DPP10: variants seen among roughly 807,000 people sequenced by gnomAD.
DPP10 encodes dipeptidyl peptidase like 10.
A neutral mutation model predicts 120.9 loss-of-function variants in DPP10; 33 were observed. The ratio of observed to expected loss-of-function variants is 0.27; its 90% CI spans 0.21 to 0.37. The LOEUF (loss-of-function observed/expected upper bound fraction) is 0.37, where lower values mean the gene tolerates loss of function less well. DPP10 is among the 10% of genes least tolerant of loss of function. The pLI is 1.00. For missense variants in DPP10, 816 were observed against 942.8 expected, an observed-to-expected ratio of 0.87 and a Z score of 1.76; for synonymous variants, 337 against 326.1, an observed-to-expected ratio of 1.03 and a Z score of -0.36.
Position 115,650,025 on chromosome 2 carries a change from AAG to A in DPP10, c.442-39654_442-39653del, listed in dbSNP as rs367708507. 3.5e-3 allele frequency among the ~76,000 whole-genome samples: 537 copies of A among 152,182 alleles called. 4 individuals are homozygous for A. The highest frequency in any genetic ancestry group is 0.013 in the African/African-American group (524 of 41,518). Reference sequence around the variant, plus strand: ...GTTTTTGGATTTGTTGGCAAAAAAAAAGAGAGAGACTGAAAAATAGGGAACAG... The same window carrying A: ...GTTTTTGGATTTGTTGGCAAAAAAAAAGAGAGACTGAAAAATAGGGAACAG... On this transcript the variant is annotated intron_variant, in intron 5 of 25. Coordinates refer to ENST00000410059, the MANE Select transcript of DPP10 (RefSeq NM_020868.6).
chr2:114,915,848 AGAAGAAAGTTTATAG>A, intron 1 of DPP10, among the ~76,000 whole-genome samples: 1 of 152,344 alleles, frequency 6.6e-6, no homozygotes, highest in Middle Eastern at 3.4e-3. Context: ...AGCAGTGTTA[AGAAGAAAGTTTATAG>A]CATTAAATGC....
chr2:114,953,236 G>T (rs780952725), intron 1 of DPP10, among the ~76,000 whole-genome samples: 2 of 152,066 alleles, frequency 1.3e-5, no homozygotes, highest in South Asian at 2.1e-4. Flanking sequence ...CAAATTCTGC[G>T]CTATAGAACC....
intron 1 of DPP10, among the ~76,000 whole-genome samples, chr2:114,943,595 G>A (rs567962163): frequency 1.3e-5 from 2 of 152,018 alleles, no homozygotes; most frequent in Non-Finnish European, 2.9e-5. Flanking sequence ...TCTTTATCCA[G>A]TCTATCATTG....
intron 1 of DPP10, among the ~76,000 whole-genome samples, chr2:115,281,567 T>C (rs1160785564): frequency 6.6e-6 from 1 of 152,120 alleles, no homozygotes; most frequent in African/African-American, 2.4e-5. Context: ...CCCGTAGGAG[T>C]AAACATAACT....
At chr2:115,496,310 A>G (rs1285565639) in intron 3 of DPP10, among the ~76,000 whole-genome samples, 23 of 152,158 alleles carry the variant, frequency 1.5e-4, no homozygotes, top group Non-Finnish European at 4.4e-5. Context: ...TATCCTATTA[A>G]TGCAACATTG....
At chr2:115,320,637 C>T (rs2062013561) in intron 2 of DPP10, among the ~76,000 whole-genome samples, 1 of 151,864 alleles carries the variant, frequency 6.6e-6, no homozygotes, top group South Asian at 2.1e-4. Context: ...TTGTTTTTGT[C>T]ACAAATTACA....
intron 1 of DPP10, among the ~76,000 whole-genome samples, chr2:114,900,586 C>T (rs1693476955): frequency 6.6e-6 from 1 of 152,150 alleles, no homozygotes; most frequent in African/African-American, 2.4e-5. Context: ...GTACATTCTG[C>T]ATATAGTGTT....
intron 5 of DPP10, among the ~76,000 whole-genome samples, chr2:115,563,128 G>A (rs966636209): frequency 1.3e-5 from 2 of 152,138 alleles, no homozygotes; most frequent in East Asian, 3.9e-4. Flanking sequence ...CCTCTTAAAC[G>A]TGTCAATCAG....
chr2:114,832,308 T>C (rs2176736), intron 1 of DPP10, among the ~76,000 whole-genome samples: 146,675 of 152,298 alleles, frequency 0.96, 70,871 homozygotes, highest in East Asian at 1. Flanking sequence ...CCGAGGCAGG[T>C]GGATCAGGAG....
At position 115,297,652 on chromosome 2, in the gene DPP10, A is replaced by G. The variant is rs566296978; in HGVS notation, c.61-11587A>G. On this transcript the variant is annotated intron_variant, in intron 1 of 25. Coordinates refer to ENST00000410059, the MANE Select transcript of DPP10 (RefSeq NM_020868.6). ...ACTATGTTCTCTACTCTCCTTGTGG[A>G]CAAGAGTCTAGTCTGTTAACTAGAA... Among the ~76,000 whole-genome samples the G allele has an allele frequency of 3.5e-4, 54 of 152,176 alleles. No homozygotes were observed. In the South Asian group the frequency reaches 5.6e-3, roughly 16 times the overall value.
intron 1 of DPP10, among the ~76,000 whole-genome samples, chr2:114,649,462 C>A (rs1196487772): frequency 7.9e-5 from 12 of 151,896 alleles, no homozygotes; most frequent in Admixed American, 7.9e-4. Context: ...CATTCTCCTG[C>A]CTGATTCTCC....
intron 1 of DPP10, among the ~76,000 whole-genome samples, chr2:114,971,421 G>A (rs910984275): frequency 1.3e-5 from 2 of 151,908 alleles, no homozygotes; most frequent in African/African-American, 2.4e-5. Context: ...ACCACCACTT[G>A]CTCACTTATA....
chr2:114,847,651 C>T (rs1406366374), intron 1 of DPP10, among the ~76,000 whole-genome samples: 1 of 152,094 alleles, frequency 6.6e-6, no homozygotes, highest in Non-Finnish European at 1.5e-5. Flanking sequence ...CAGCCTTTTG[C>T]ATGAGTGTAA....
At chr2:114,893,801 C>A (rs941813167) in intron 1 of DPP10, among the ~76,000 whole-genome samples, 1 of 152,152 alleles carries the variant, frequency 6.6e-6, no homozygotes, top group South Asian at 2.1e-4. Flanking sequence ...TCATGAGTAA[C>A]GTAGAGTTAA....
intron 1 of DPP10, among the ~76,000 whole-genome samples, chr2:114,639,609 G>A (rs572937226): frequency 5.3e-5 from 8 of 151,642 alleles, no homozygotes; most frequent in South Asian, 2.1e-4. Flanking sequence ...TGCAATATAC[G>A]CATTTAACAA....
At chr2:115,010,813 C>T (rs908657046) in intron 1 of DPP10, among the ~76,000 whole-genome samples, 2 of 152,186 alleles carry the variant, frequency 1.3e-5, no homozygotes, top group African/African-American at 2.4e-5. Flanking sequence ...CAGTACTCCA[C>T]AAACCTTCTA....
intron 1 of DPP10, among the ~76,000 whole-genome samples, chr2:115,086,558 A>T (rs2104527867): frequency 6.7e-6 from 1 of 149,578 alleles, no homozygotes; most frequent in South Asian, 2.1e-4. Context: ...CCGGGTTCAC[A>T]CCATTCTCCT....
intron 1 of DPP10, among the ~76,000 whole-genome samples, chr2:114,925,970 TTAACAAGTCTCTGATCCCCAATGCACA>T (rs1286739639): frequency 6.6e-6 from 1 of 152,130 alleles, no homozygotes; most frequent in East Asian, 1.9e-4. Flanking sequence ...GGTACAGAGA[TTAACAAGTCTCTGATCCCCAATGCACA>T]TGGCTTGATG....
intron 3 of DPP10, among the ~76,000 whole-genome samples, chr2:115,401,933 T>G (rs2068101607): frequency 6.6e-6 from 1 of 152,084 alleles, no homozygotes; most frequent in Non-Finnish European, 1.5e-5. Context: ...ATAAATATTT[T>G]CAAAATATTG....
Sources: gnomAD v4.1 joint callset for allele counts (sites outside exome capture counted in the v4.1 genomes callset) on GRCh38, gnomAD v4.1.1 for gene constraint, MANE v1.5 for transcripts, NCBI Gene and HGNC (gene_info 2026-07-23, HGNC 2026-07-21) for gene names.